Variants in PTPRO observed in about 807,000 individuals in gnomAD.
PTPRO encodes the protein receptor-type tyrosine-protein phosphatase O.
Under a neutral mutation model 145.2 loss-of-function variants are expected in PTPRO, and 62 were observed. That is an observed-to-expected ratio of 0.43 (90% CI 0.35 to 0.53). The LOEUF (loss-of-function observed/expected upper bound fraction) is 0.53, where lower values mean the gene tolerates loss of function less well. Among genes scored for constraint, PTPRO ranks in the 20% least tolerant of loss-of-function variants. PTPRO has a pLI of 0.01. For missense variants in PTPRO, 1,345 were observed against 1,482.7 expected (o/e 0.91, Z 1.53); for synonymous variants, 565 against 514.7 (o/e 1.10, Z -1.32).
At chr12:15,384,198 T>C (rs1325903175) in intron 1 of PTPRO, among the ~76,000 whole-genome samples, 3 of 152,138 alleles carry the variant, frequency 2.0e-5, no homozygotes, top group South Asian at 4.1e-4. Flanking sequence ...GTCCATTCAG[T>C]TGGTTGGGGG....
At chr12:15,445,136 T>G (rs2136367284) in intron 1 of PTPRO, among the ~76,000 whole-genome samples, 1 of 152,266 alleles carries the variant, frequency 6.6e-6, no homozygotes, top group East Asian at 1.9e-4. Flanking sequence ...CCACTTTTAT[T>G]AAAGAACAAG....
At chr12:15,466,135 T>A (rs577319429) in intron 1 of PTPRO, among the ~76,000 whole-genome samples, 2 of 152,352 alleles carry the variant, frequency 1.3e-5, no homozygotes, top group East Asian at 1.9e-4. Flanking sequence ...CTGATTTTTT[T>A]AATCAAAATC....
intron 1 of PTPRO, among the ~76,000 whole-genome samples, chr12:15,424,526 G>A (rs1230790619): frequency 3.3e-5 from 5 of 151,992 alleles, no homozygotes; most frequent in Non-Finnish European, 5.9e-5. Flanking sequence ...GGCCTGGATC[G>A]TTTAGGAGCT....
intron 1 of PTPRO, among the ~76,000 whole-genome samples, chr12:15,369,862 A>G (rs926822868): frequency 1.3e-5 from 2 of 152,034 alleles, no homozygotes; most frequent in African/African-American, 4.8e-5. Flanking sequence ...GACCAGCCTA[A>G]CCAACAAAGT....
In PTPRO at chr12:15,484,214, A is replaced by G. The variant is rs1267113957; in HGVS notation, c.316A>G (p.Thr106Ala). 3.1e-6 allele frequency: 5 copies of G among 1,613,358 alleles called. No individual in the cohort carries two copies. Among genetic ancestry groups the G allele is most frequent in the Non-Finnish European group, 3.4e-6 (4 of 1,179,620 alleles). Residue 106 changes from threonine (T) to alanine (A), a missense_variant, in exon 2 of 27, where the codon ACC (threonine) becomes GCC (alanine). Physicochemically the swap from Thr to Ala is moderately conservative, Grantham distance 58. Coordinates refer to ENST00000281171, the MANE Select transcript of PTPRO (RefSeq NM_030667.3). ...TLVVVNGNVV[T>A]KPSRSITVLT... ...GGTAGTGGTAAATGGAAATGTGGTG[A>G]CCAAGCCATCCAGATCAATCACTGT... is the stretch of plus-strand genomic sequence containing the variant.
At position 15,501,603 on chromosome 12, in the gene PTPRO, A is replaced by T; in HGVS notation, c.662-17A>T. Reference sequence around the variant, plus strand: ...GAATTAAAAAATACTTGAAAATGAAAATTCTCTCTCTTACAGCCCCTTATC... The same window carrying T: ...GAATTAAAAAATACTTGAAAATGAATATTCTCTCTCTTACAGCCCCTTATC... On this transcript the variant is annotated splice_polypyrimidine_tract_variant and intron_variant, in intron 4 of 26. Coordinates refer to ENST00000281171, the MANE Select transcript of PTPRO (RefSeq NM_030667.3). 3 of 1,600,142 alleles carry T rather than the reference A, an allele frequency of 1.9e-6. No homozygotes were observed. The highest frequency in any genetic ancestry group is 2.6e-6 in the Non-Finnish European group (3 of 1,167,864).
intron 12 of PTPRO, among the ~76,000 whole-genome samples, chr12:15,539,235 C>A (rs1208161409): frequency 6.6e-6 from 1 of 151,956 alleles, no homozygotes; most frequent in Non-Finnish European, 1.5e-5. Flanking sequence ...AATGAATACC[C>A]TGAAAGACCT....
intron 1 of PTPRO, among the ~76,000 whole-genome samples, chr12:15,327,204 T>G (rs994309152): frequency 2.0e-5 from 3 of 152,224 alleles, no homozygotes; most frequent in African/African-American, 7.2e-5. Flanking sequence ...TATTAGAATC[T>G]TATTAAAACC....
intron 1 of PTPRO, among the ~76,000 whole-genome samples, chr12:15,383,428 T>G (rs577855146): frequency 5.3e-5 from 8 of 152,298 alleles, no homozygotes; most frequent in African/African-American, 1.9e-4. Context: ...GCAGGGAACA[T>G]GGGAATTTTA....
intron 1 of PTPRO, among the ~76,000 whole-genome samples, chr12:15,433,266 C>G (rs1159693184): frequency 6.7e-6 from 1 of 150,252 alleles, no homozygotes; most frequent in Non-Finnish European, 1.5e-5. Context: ...ACCTCTGCCT[C>G]CTGGGTTCAA....
chr12:15,434,839 A>G (rs1182025863), intron 1 of PTPRO, among the ~76,000 whole-genome samples: 1 of 152,236 alleles, frequency 6.6e-6, no homozygotes, highest in African/African-American at 2.4e-5. Flanking sequence ...AACAACCTAA[A>G]TATGCAATAA....
chr12:15,421,496 C>T (rs548231835), intron 1 of PTPRO, among the ~76,000 whole-genome samples: 1 of 152,102 alleles, frequency 6.6e-6, no homozygotes, highest in Admixed American at 6.5e-5. Context: ...ACAACTAGTG[C>T]CTGAATAAGC....
At chr12:15,540,007 A>G (rs894909550) in intron 12 of PTPRO, among the ~76,000 whole-genome samples, 1 of 151,994 alleles carries the variant, frequency 6.6e-6, no homozygotes, top group African/African-American at 2.4e-5. Flanking sequence ...AGTCAACAAG[A>G]CAAGGTCTAA....
At chr12:15,400,064 A>AC in intron 1 of PTPRO, among the ~76,000 whole-genome samples, 1 of 149,032 alleles carries the variant, frequency 6.7e-6, no homozygotes, top group African/African-American at 2.5e-5. Flanking sequence ...AAAAAAAAAA[A>AC]AAAAAAGAGC....
intron 1 of PTPRO, among the ~76,000 whole-genome samples, chr12:15,392,246 C>T (rs550899192): frequency 1.4e-3 from 219 of 152,238 alleles, no homozygotes; most frequent in Non-Finnish European, 2.5e-3. Flanking sequence ...AAGGCAAATC[C>T]GTATGAGAAG....
chr12:15,504,844 T>C (rs1942290208), intron 6 of PTPRO, among the ~76,000 whole-genome samples: 2 of 152,220 alleles, frequency 1.3e-5, no homozygotes, highest in Non-Finnish European at 2.9e-5. Flanking sequence ...ATACCACCTT[T>C]CGTTGAAGGA....
Position 15,580,756 on chromosome 12 carries a change from T to G in PTPRO, c.3057T>G (p.Asn1019Lys), listed in dbSNP as rs1944293389. The G allele has an allele frequency of 6.2e-7, 1 of 1,613,970 alleles. No homozygotes were observed. The highest frequency in any genetic ancestry group is 8.5e-7 in the Non-Finnish European group (1 of 1,179,984). ...AGGGGCCACTGCCTGAAACCAGAAA[T>G]GACTTCTGGAAGATGGTCCTGCAAC... Reference protein sequence around the residue: ...ATQGPLPETRNDFWKMVLQQK... With the variant: ...ATQGPLPETRKDFWKMVLQQK... Residue 1019 changes from asparagine to lysine, a missense_variant, in exon 22 of 27, where the codon AAT becomes AAG. Coordinates refer to ENST00000281171, the MANE Select transcript of PTPRO (RefSeq NM_030667.3).
intron 1 of PTPRO, among the ~76,000 whole-genome samples, chr12:15,416,485 A>T (rs1182750518): frequency 6.6e-6 from 1 of 151,128 alleles, no homozygotes; most frequent in African/African-American, 2.5e-5. Flanking sequence ...ATGCCTGGCT[A>T]ATTTTTTATA....
intron 1 of PTPRO, among the ~76,000 whole-genome samples, chr12:15,329,118 C>T (rs1866536345): frequency 6.6e-6 from 1 of 152,162 alleles, no homozygotes; most frequent in Non-Finnish European, 1.5e-5. Context: ...CGTCATATGA[C>T]TCTACCATGC....
Sources: allele counts gnomAD v4.1 joint callset (sites outside exome capture counted in the v4.1 genomes callset), GRCh38; gene constraint gnomAD v4.1.1; transcripts MANE v1.5; gene names NCBI Gene and HGNC (gene_info 2026-07-23, HGNC 2026-07-21).